NELL1: variants seen among roughly 807,000 people sequenced by gnomAD.
NELL1 encodes protein kinase C-binding protein NELL1.
Under a neutral mutation model 107.4 loss-of-function variants are expected in NELL1, and 76 were observed. That is an observed-to-expected ratio of 0.71 (90% CI 0.59 to 0.86). NELL1 has a LOEUF of 0.86. Ranked by LOEUF, NELL1 falls within the 40% of genes least tolerant of loss-of-function variation. The probability of loss-of-function intolerance (pLI) is 0.00; values close to 1 mark genes in which losing one functional copy is unlikely to be tolerated. For missense variants in NELL1, 1,024 were observed against 1,005.5 expected (o/e 1.02, Z -0.25); for synonymous variants, 353 against 341.2 (o/e 1.03, Z -0.38).
chr11:21,318,328 G>A (rs1198733514), intron 14 of NELL1, among the ~76,000 whole-genome samples: 2 of 152,174 alleles, frequency 1.3e-5, no homozygotes, highest in African/African-American at 4.8e-5. Context: ...TGAGGTCAGG[G>A]AAGCAGTGAT....
At chr11:21,450,245 C>T (rs920192613) in intron 15 of NELL1, among the ~76,000 whole-genome samples, 6 of 152,204 alleles carry the variant, frequency 3.9e-5, no homozygotes, top group African/African-American at 1.4e-4. Flanking sequence ...ACTGAGCCAT[C>T]TGTGTCATTC....
At chr11:21,119,415 G>A (rs1388722578) in intron 13 of NELL1, among the ~76,000 whole-genome samples, 1 of 150,784 alleles carries the variant, frequency 6.6e-6, no homozygotes, top group East Asian at 1.9e-4. Context: ...TTATATATAT[G>A]GGATAATAAA....
At chr11:21,080,046 C>A (rs1246747181) in intron 12 of NELL1, among the ~76,000 whole-genome samples, 3 of 152,020 alleles carry the variant, frequency 2.0e-5, no homozygotes, top group Non-Finnish European at 4.4e-5. Context: ...TAATTACAAT[C>A]ATAATGACAG....
intron 15 of NELL1, among the ~76,000 whole-genome samples, chr11:21,436,040 TTTTC>T (rs914954210): frequency 6.6e-6 from 1 of 151,990 alleles, no homozygotes; most frequent in Non-Finnish European, 1.5e-5. Flanking sequence ...AGTTCAGATT[TTTTC>T]TTTCTTTCTT....
At chr11:21,457,689 A>G (rs748068355) in intron 15 of NELL1, among the ~76,000 whole-genome samples, 12 of 152,166 alleles carry the variant, frequency 7.9e-5, no homozygotes, top group Non-Finnish European at 4.4e-5. Flanking sequence ...TTGTACTAAA[A>G]TAGAGTTTGG....
intron 2 of NELL1, among the ~76,000 whole-genome samples, chr11:20,687,645 G>A (rs935598314): frequency 6.6e-6 from 1 of 150,646 alleles, no homozygotes; most frequent in Non-Finnish European, 1.5e-5. Flanking sequence ...AAGTTGTAGT[G>A]CAGTGGCACA....
intron 15 of NELL1, among the ~76,000 whole-genome samples, chr11:21,493,567 A>ATGAT (rs1351558366): frequency 2.0e-5 from 3 of 152,106 alleles, no homozygotes; most frequent in Admixed American, 6.6e-5. Context: ...AGAGTATAGA[A>ATGAT]TGATAGATAC....
intron 12 of NELL1, among the ~76,000 whole-genome samples, chr11:21,039,315 A>G (rs1475773285): frequency 6.6e-6 from 1 of 152,078 alleles, no homozygotes; most frequent in Non-Finnish European, 1.5e-5. Context: ...CCTCCCAAGT[A>G]GATGGGATTA....
chr11:21,549,118 A>C (rs1856514298), intron 16 of NELL1, among the ~76,000 whole-genome samples: 1 of 151,778 alleles, frequency 6.6e-6, no homozygotes, highest in South Asian at 2.1e-4. Flanking sequence ...GTGAGTGTTC[A>C]CTCTTTTTGC....
chr11:20,898,205 C>T lies in NELL1; in HGVS notation c.603+12665C>T, dbSNP rs189847617. ...ACAATGATAGACTGGATTAAGAAAA[C>T]GTGGCACATATACACCGTGGAATAC... is the stretch of plus-strand genomic sequence containing the variant. On this transcript the variant is annotated intron_variant, in intron 5 of 19. Coordinates refer to ENST00000357134, the MANE Select transcript of NELL1 (RefSeq NM_006157.5). Among the ~76,000 whole-genome samples the T allele has an allele frequency of 3.2e-3, 483 of 152,094 alleles. 3 individuals carry two copies. Among genetic ancestry groups the T allele is most frequent in the African/African-American group, 9.9e-3 (411 of 41,492 alleles).
chr11:21,557,800 C>T (rs935334771), intron 16 of NELL1, among the ~76,000 whole-genome samples: 10 of 151,904 alleles, frequency 6.6e-5, no homozygotes, highest in Non-Finnish European at 1.2e-4. Flanking sequence ...CGAGTTTTGG[C>T]AAAGTAGGCA....
intron 7 of NELL1, among the ~76,000 whole-genome samples, chr11:20,923,916 C>T (rs969739781): frequency 1.4e-4 from 21 of 152,064 alleles, no homozygotes; most frequent in Admixed American, 1.3e-4. Context: ...AGCAATCCAC[C>T]ACACAACTAA....
chr11:21,325,450 A>G (rs549867653), intron 14 of NELL1, among the ~76,000 whole-genome samples: 21 of 152,056 alleles, frequency 1.4e-4, no homozygotes, highest in Non-Finnish European at 1.5e-4. Flanking sequence ...CCAGTGTGGC[A>G]TGAGAATTCT....
At chr11:21,434,212 T>A (rs981142630) in intron 15 of NELL1, among the ~76,000 whole-genome samples, 1 of 152,224 alleles carries the variant, frequency 6.6e-6, no homozygotes, top group Non-Finnish European at 1.5e-5. Context: ...CCCATTTGCC[T>A]ATTTTTGTTT....
At chr11:20,759,051 G>A (rs1005610860) in intron 2 of NELL1, among the ~76,000 whole-genome samples, 1 of 152,174 alleles carries the variant, frequency 6.6e-6, no homozygotes, top group Non-Finnish European at 1.5e-5. Flanking sequence ...TACAGATGAG[G>A]AACTTGAGGC....
intron 3 of NELL1, among the ~76,000 whole-genome samples, chr11:20,784,568 G>A (rs1348451922): frequency 6.6e-6 from 1 of 152,088 alleles, no homozygotes; most frequent in Non-Finnish European, 1.5e-5. Flanking sequence ...TATAGAGGTA[G>A]GTAGAAGCCA....
chr11:21,036,727 C>G (rs760008052), intron 12 of NELL1, among the ~76,000 whole-genome samples: 6 of 151,990 alleles, frequency 3.9e-5, no homozygotes, highest in Non-Finnish European at 8.8e-5. Flanking sequence ...CTCTCTCTCT[C>G]TCTGTCTCAC....
chr11:21,461,811 C>A (rs995494776), intron 15 of NELL1, among the ~76,000 whole-genome samples: 1 of 152,050 alleles, frequency 6.6e-6, no homozygotes, highest in African/African-American at 2.4e-5. Flanking sequence ...GCTAACTATT[C>A]TAGGGTTTAA....
chr11:20,847,361 C>A (rs570490273), intron 3 of NELL1, among the ~76,000 whole-genome samples: 1 of 152,230 alleles, frequency 6.6e-6, no homozygotes, highest in East Asian at 1.9e-4. Context: ...CATGGTGGAC[C>A]AATTGATCTC....
Sources: gnomAD v4.1 joint callset for allele counts (sites outside exome capture counted in the v4.1 genomes callset) on GRCh38, gnomAD v4.1.1 for gene constraint, MANE v1.5 for transcripts, NCBI Gene and HGNC (gene_info 2026-07-23, HGNC 2026-07-21) for gene names.